The following GRIA4 variants were observed in gnomAD, a reference collection of about 807,000 sequenced individuals.
The protein encoded by GRIA4 is glutamate receptor 4.
GRIA4 carries 34 observed loss-of-function variants against 104.0 expected under a neutral mutation model. That is an observed-to-expected ratio of 0.33 (90% CI 0.25 to 0.44). The LOEUF (loss-of-function observed/expected upper bound fraction) is 0.44, where lower values mean the gene tolerates loss of function less well. Ranked by LOEUF, GRIA4 falls within the 20% of genes least tolerant of loss-of-function variation. The pLI is 1.00. For missense variants in GRIA4, 750 were observed against 1,096.5 expected (o/e 0.68, Z 4.46); for synonymous variants, 386 against 381.9 (o/e 1.01, Z -0.13).
chr11:105,926,664 G>T, intron 12 of GRIA4, 77 bp from the exon 13 acceptor site: 1 of 861,084 alleles, frequency 1.2e-6, no homozygotes, highest in South Asian at 1.4e-5. Context: ...AATATGCATG[G>T]TGAATTGACG....
chr11:105,864,825 G>A (rs909274940), intron 5 of GRIA4, among the ~76,000 whole-genome samples: 3 of 151,996 alleles, frequency 2.0e-5, no homozygotes, highest in Non-Finnish European at 2.9e-5. Flanking sequence ...AGCCGAGATC[G>A]TGCCATTACA....
At chr11:105,915,579 A>C (rs775131057) in intron 10 of GRIA4, among the ~76,000 whole-genome samples, 3 of 152,180 alleles carry the variant, frequency 2.0e-5, no homozygotes, top group Admixed American at 6.6e-5. Context: ...ATAGGCCAGG[A>C]TATCTTTGTA....
chr11:105,792,162 T>C (rs73540365), intron 4 of GRIA4, among the ~76,000 whole-genome samples: 1,526 of 152,304 alleles, frequency 0.01, 29 homozygotes, highest in African/African-American at 0.034. Context: ...CTGAACTTCA[T>C]AATGACTATT....
chr11:105,751,089 A>G (rs1939968038), intron 3 of GRIA4, among the ~76,000 whole-genome samples: 1 of 152,200 alleles, frequency 6.6e-6, no homozygotes, highest in African/African-American at 2.4e-5. Flanking sequence ...AAGTATTAAA[A>G]TTTGTGTATA....
chr11:105,959,230 A>C (rs887799594), intron 14 of GRIA4, among the ~76,000 whole-genome samples: 1 of 151,980 alleles, frequency 6.6e-6, no homozygotes, highest in African/African-American at 2.4e-5. Context: ...CATTCTCCCT[A>C]TCTCCTTCTG....
At chr11:105,739,385 T>G (rs1320202387) in intron 3 of GRIA4, among the ~76,000 whole-genome samples, 4 of 152,186 alleles carry the variant, frequency 2.6e-5, no homozygotes, top group Non-Finnish European at 4.4e-5. Flanking sequence ...ACTGTACAAG[T>G]GCAGCTCATG....
chr11:105,874,276 A>C (rs1945733371), intron 5 of GRIA4, among the ~76,000 whole-genome samples: 1 of 152,050 alleles, frequency 6.6e-6, no homozygotes, highest in Non-Finnish European at 1.5e-5. Flanking sequence ...ATTGGTCTAT[A>C]TATCTGTTTA....
chr11:105,642,245 G>A (rs1951386177), intron 3 of GRIA4, among the ~76,000 whole-genome samples: 1 of 152,102 alleles, frequency 6.6e-6, no homozygotes, highest in South Asian at 2.1e-4. Context: ...AAGACTTGCT[G>A]TGCTGTTGCA....
intron 3 of GRIA4, among the ~76,000 whole-genome samples, chr11:105,649,734 T>A (rs1443893487): frequency 6.6e-6 from 1 of 152,118 alleles, no homozygotes; most frequent in East Asian, 1.9e-4. Flanking sequence ...AGAAAAATAA[T>A]TTTATTATAT....
chr11:105,735,692 A>G (rs1351644726), intron 3 of GRIA4, among the ~76,000 whole-genome samples: 1 of 152,158 alleles, frequency 6.6e-6, no homozygotes, highest in Non-Finnish European at 1.5e-5. Flanking sequence ...AAGTGACCTA[A>G]TATCTTAGAG....
chr11:105,853,285 A>G (rs966721950), intron 4 of GRIA4, among the ~76,000 whole-genome samples: 26 of 152,082 alleles, frequency 1.7e-4, no homozygotes, highest in African/African-American at 6.3e-4. Context: ...ACTTACTTCA[A>G]TCCTAAGTTT....
At chr11:105,841,781 C>T (rs1359617215) in intron 4 of GRIA4, among the ~76,000 whole-genome samples, 2 of 152,084 alleles carry the variant, frequency 1.3e-5, no homozygotes, top group African/African-American at 2.4e-5. Flanking sequence ...ACTGAGATCT[C>T]ACTCCAGTTC....
At chr11:105,824,739 G>C (rs1943703281) in intron 4 of GRIA4, 1 of 152,102 alleles carries the variant, frequency 6.6e-6, no homozygotes, top group Non-Finnish European at 1.5e-5. Flanking sequence ...TATTCCTCCA[G>C]GAAGATCTCG....
At position 105,902,735 on chromosome 11, in the gene GRIA4, T is replaced by C. The variant is rs1747621346; in HGVS notation, c.886-1079T>C. On this transcript the variant is annotated intron_variant, in intron 7 of 16. Coordinates refer to ENST00000282499, the MANE Select transcript of GRIA4 (RefSeq NM_000829.4). ...TCCACTTTCTACAGCACAAATCTAC[T>C]GCTCAAACAGGCATGGAAGGTGTTA... Among the ~76,000 whole-genome samples the C allele has an allele frequency of 2.0e-5, 3 of 152,182 alleles. No individual in the cohort carries two copies. The South Asian group carries it at 6.2e-4, about 31-fold the overall frequency.
chr11:105,750,470 AGAGGAAGAAT>A (rs1160829361), intron 3 of GRIA4, among the ~76,000 whole-genome samples: 1 of 152,144 alleles, frequency 6.6e-6, no homozygotes, highest in Non-Finnish European at 1.5e-5. Flanking sequence ...ATATATGAAT[AGAGGAAGAAT>A]GACAGACAAC....
intron 6 of GRIA4, among the ~76,000 whole-genome samples, chr11:105,891,686 C>T (rs1946459966): frequency 6.6e-6 from 1 of 152,130 alleles, no homozygotes; most frequent in Non-Finnish European, 1.5e-5. Flanking sequence ...CTTTGATAGT[C>T]CCTCCTCTGG....
At chr11:105,737,639 C>T (rs1939037964) in intron 3 of GRIA4, among the ~76,000 whole-genome samples, 1 of 152,086 alleles carries the variant, frequency 6.6e-6, no homozygotes, top group South Asian at 2.1e-4. Context: ...CCCTTAAGAC[C>T]TACTCCTGTT....
chr11:105,714,382 C>G (rs1954019349), intron 3 of GRIA4, among the ~76,000 whole-genome samples: 1 of 151,990 alleles, frequency 6.6e-6, no homozygotes, highest in African/African-American at 2.4e-5. Flanking sequence ...TTTTAACAAT[C>G]TGATATCACT....
chr11:105,870,404 T>C lies in GRIA4; in HGVS notation c.672+8196T>C, dbSNP rs539165367. Among the ~76,000 whole-genome samples the C allele has an allele frequency of 7.2e-5, 11 of 152,098 alleles. No individual in the cohort carries two copies. In the East Asian group the frequency reaches 2.1e-3, roughly 29 times the overall value. ...ACACTTATCCATTTGGTCATTTATT[T>C]AACACACATTTATCCAGTACCTACT... is the stretch of plus-strand genomic sequence containing the variant. On this transcript the variant is annotated intron_variant, in intron 5 of 16. Transcript: ENST00000282499.
Sources: gnomAD v4.1 joint callset for allele counts (sites outside exome capture counted in the v4.1 genomes callset) on GRCh38, gnomAD v4.1.1 for gene constraint, MANE v1.5 for transcripts, NCBI Gene and HGNC (gene_info 2026-07-23, HGNC 2026-07-21) for gene names.